SPAG16: variants seen among roughly 807,000 people sequenced by gnomAD.
SPAG16 encodes the protein sperm-associated antigen 16 protein.
Under a neutral mutation model 80.4 loss-of-function variants are expected in SPAG16, and 86 were observed. The ratio of observed to expected loss-of-function variants is 1.07; its 90% CI spans 0.90 to 1.28. SPAG16 has a LOEUF of 1.28. Ranked by LOEUF, SPAG16 falls within the 50% of genes most tolerant of loss-of-function variation. The probability of loss-of-function intolerance (pLI) is 0.00; values close to 1 mark genes in which losing one functional copy is unlikely to be tolerated. For synonymous variants in SPAG16, 294 were observed against 265.9 expected, an observed-to-expected ratio of 1.11 and a Z score of -1.03; for missense variants, 870 against 765.3, an observed-to-expected ratio of 1.14 and a Z score of -1.61.
chr2:213,953,680 T>A (rs1217511999), intron 12 of SPAG16, among the ~76,000 whole-genome samples: 1 of 151,958 alleles, frequency 6.6e-6, no homozygotes, highest in Non-Finnish European at 1.5e-5. Flanking sequence ...TTACCAGATT[T>A]TTTTACTATG....
chr2:214,292,959 A>T (rs1693903567), intron 15 of SPAG16, among the ~76,000 whole-genome samples: 1 of 152,164 alleles, frequency 6.6e-6, no homozygotes, highest in Non-Finnish European at 1.5e-5. Flanking sequence ...TAGGGCTTAG[A>T]ACACAGTTAT....
intron 15 of SPAG16, among the ~76,000 whole-genome samples, chr2:214,305,103 G>C (rs1694822709): frequency 6.6e-6 from 1 of 152,118 alleles, no homozygotes. Flanking sequence ...TTGTGGATTT[G>C]ATTTGCATTT....
chr2:213,701,154 C>T (rs960622089), intron 10 of SPAG16, among the ~76,000 whole-genome samples: 4 of 152,120 alleles, frequency 2.6e-5, no homozygotes, highest in Non-Finnish European at 5.9e-5. Flanking sequence ...GCAGGAGAAT[C>T]GCTTGAACCC....
In SPAG16 at chr2:213,418,881, G is replaced by T. The variant is rs187751788; in HGVS notation, c.942+43762G>T. Among the ~76,000 whole-genome samples the T allele has an allele frequency of 9.1e-4, 139 of 152,246 alleles. 1 individual carries two copies. Among genetic ancestry groups the T allele is most frequent in the African/African-American group, 3.2e-3 (135 of 41,562 alleles). On this transcript the variant is annotated intron_variant, in intron 9 of 15. Coordinates refer to ENST00000331683, the MANE Select transcript of SPAG16 (RefSeq NM_024532.5). ...GGTCTTTTAAAAGCCAGAATTCTGG[G>T]AGCATTGCTTAGGGGCACCATCAAC...
chr2:214,243,939 T>C (rs1158197297), intron 15 of SPAG16, among the ~76,000 whole-genome samples: 1 of 152,072 alleles, frequency 6.6e-6, no homozygotes, highest in Non-Finnish European at 1.5e-5. Flanking sequence ...AAGACACATA[T>C]ACGACAGAAA....
intron 12 of SPAG16, among the ~76,000 whole-genome samples, chr2:213,993,566 A>G (rs1316856559): frequency 2.6e-5 from 4 of 152,198 alleles, no homozygotes; most frequent in Non-Finnish European, 5.9e-5. Flanking sequence ...AAAACAAGGG[A>G]TATGCAACTT....
chr2:213,580,945 A>G (rs1416110060), intron 10 of SPAG16, among the ~76,000 whole-genome samples: 1 of 152,002 alleles, frequency 6.6e-6, no homozygotes, highest in Non-Finnish European at 1.5e-5. Flanking sequence ...TTTTGTAATT[A>G]AGTAAGCCTA....
intron 9 of SPAG16, among the ~76,000 whole-genome samples, chr2:213,429,254 C>A (rs2070141214): frequency 6.6e-6 from 1 of 152,062 alleles, no homozygotes. Context: ...AGGTGCCTGC[C>A]CGTTGCTCCT....
At chr2:213,696,802 G>A (rs768719537) in intron 10 of SPAG16, among the ~76,000 whole-genome samples, 25 of 152,128 alleles carry the variant, frequency 1.6e-4, no homozygotes, top group Non-Finnish European at 2.4e-4. Flanking sequence ...GAGAGAATGG[G>A]AGGTAAACAA....
chr2:213,776,664 C>T (rs945901762), intron 10 of SPAG16, among the ~76,000 whole-genome samples: 4 of 151,448 alleles, frequency 2.6e-5, no homozygotes, highest in Admixed American at 2.0e-4. Context: ...ATGTTTAGTT[C>T]GCTAGGTTAG....
chr2:213,841,549 C>T (rs945460439), intron 10 of SPAG16, among the ~76,000 whole-genome samples: 1 of 151,970 alleles, frequency 6.6e-6, no homozygotes, highest in African/African-American at 2.4e-5. Flanking sequence ...TAGCATTGTT[C>T]TTTTCATGCT....
At chr2:213,699,215 C>T (rs1233109194) in intron 10 of SPAG16, among the ~76,000 whole-genome samples, 1 of 152,096 alleles carries the variant, frequency 6.6e-6, no homozygotes, top group Non-Finnish European at 1.5e-5. Flanking sequence ...CCATTATTCC[C>T]ACATTCTTTA....
At chr2:214,397,518 C>A (rs1223428302) in intron 15 of SPAG16, among the ~76,000 whole-genome samples, 1 of 152,094 alleles carries the variant, frequency 6.6e-6, no homozygotes, top group African/African-American at 2.4e-5. Flanking sequence ...TTTTCTATTC[C>A]TTCGCAACTA....
At chr2:214,230,220 A>G (rs1158801341) in intron 15 of SPAG16, among the ~76,000 whole-genome samples, 1 of 151,988 alleles carries the variant, frequency 6.6e-6, no homozygotes, top group Non-Finnish European at 1.5e-5. Context: ...GATTCTAGAT[A>G]ATATTTCTAT....
chr2:214,351,633 G>A (rs1352928537), intron 15 of SPAG16, among the ~76,000 whole-genome samples: 2 of 152,044 alleles, frequency 1.3e-5, no homozygotes, highest in East Asian at 3.9e-4. Context: ...AACCCAGGAG[G>A]CGGAGCTTGC....
chr2:214,031,626 A>T (rs1006903476), intron 13 of SPAG16, among the ~76,000 whole-genome samples: 1 of 20,584 alleles, frequency 4.9e-5, no homozygotes, highest in Admixed American at 6.4e-4. Flanking sequence ...TAAAATAAAC[A>T]TGAAAAAAAA....
chr2:213,673,588 A>G (rs2063909151), intron 10 of SPAG16, among the ~76,000 whole-genome samples: 2 of 152,232 alleles, frequency 1.3e-5, no homozygotes. Context: ...GCAGAAGAGG[A>G]TACACAATCT....
chr2:213,631,808 G>A (rs1400114616), intron 10 of SPAG16, among the ~76,000 whole-genome samples: 1 of 150,870 alleles, frequency 6.6e-6, no homozygotes, highest in Non-Finnish European at 1.5e-5. Context: ...GTGTAGATTT[G>A]TTTCTAGGTT....
intron 10 of SPAG16, among the ~76,000 whole-genome samples, chr2:213,519,340 G>A (rs1177056000): frequency 1.3e-5 from 2 of 152,184 alleles, no homozygotes; most frequent in Admixed American, 1.3e-4. Flanking sequence ...ATCTTGAATT[G>A]TACTCCCATA....
Sources: allele counts gnomAD v4.1 joint callset (sites outside exome capture counted in the v4.1 genomes callset), GRCh38; gene constraint gnomAD v4.1.1; transcripts MANE v1.5; gene names NCBI Gene and HGNC (gene_info 2026-07-23, HGNC 2026-07-21).